ITPR3: variants seen among roughly 807,000 people sequenced by gnomAD.
ITPR3 encodes inositol 1,4,5-trisphosphate receptor type 3.
In ITPR3, 173 loss-of-function variants were observed where a neutral mutation model predicts 293.2. The ratio of observed to expected loss-of-function variants is 0.59; its 90% CI spans 0.52 to 0.67. ITPR3 has a LOEUF of 0.67. ITPR3 is among the 30% of genes least tolerant of loss of function. ITPR3 has a pLI of 0.00. For synonymous variants in ITPR3, 1,295 were observed against 1,444.4 expected, an observed-to-expected ratio of 0.90 and a Z score of 2.35; for missense variants, 2,796 against 3,592.1, an observed-to-expected ratio of 0.78 and a Z score of 5.66.
In ITPR3 at chr6:33,675,782, C is replaced by T. The variant is rs1764890354; in HGVS notation, c.3208C>T (p.Leu1070=). The T allele has an allele frequency of 6.2e-7, 1 of 1,611,036 alleles. No homozygotes were observed. Among genetic ancestry groups the T allele is most frequent in the East Asian group, 2.2e-5 (1 of 44,728 alleles). ...CCTCACCATGCACGACTATGCGCCG[C>T]TGGTCTCGGGTGCCCTGCAGCTGCT... ...IHLTMHDYAP[L]VSGALQLLFK... The change falls in exon 25 of 58, where the codon CTG becomes TTG. Residue 1070 remains leucine (L), a synonymous_variant. Transcript: ENST00000605930. The surrounding 1 kb of genome is among the most constrained non-coding windows in gnomAD (Gnocchi z 5.0).
chr6:33,627,525 C>G (rs2151276088), intron 1 of ITPR3, among the ~76,000 whole-genome samples: 1 of 152,360 alleles, frequency 6.6e-6, no homozygotes, highest in East Asian at 1.9e-4. Context: ...AACATTCAGG[C>G]TCTTTGTAAA....
rs754713002 is a variant in ITPR3 at position 33,667,159 on chromosome 6, G to A, written c.1582G>A (p.Glu528Lys). 1 of 1,614,152 alleles carries A rather than the reference G, an allele frequency of 6.2e-7. No homozygotes were observed. The highest frequency in any genetic ancestry group is 8.5e-7 in the Non-Finnish European group (1 of 1,179,996). The change falls in exon 15 of 58, where the codon GAG becomes AAG. Residue 528 changes from glutamate to lysine, a missense_variant. By Grantham distance (56) the Glu-to-Lys change is moderately conservative (BLOSUM62 1). Transcript: ENST00000605930. This position sits in a 1 kb window ranked among gnomAD's most constrained non-coding sequence, Gnocchi z 4.4. ...VFGILKAPFREKGGEGPLVRL... is the reference protein window; with the variant it reads ...VFGILKAPFRKKGGEGPLVRL... ...TGGCATTCTGAAGGCCCCGTTCCGT[G>A]AGAAGGGGGGTGAAGGTCCCCTGGT...
chr6:33,668,005 C>G (rs369937157), intron 16 of ITPR3, 41 bp downstream of exon 16: 1 of 1,605,982 alleles, frequency 6.2e-7, no homozygotes. Flanking sequence ...CTGCTCCTCC[C>G]TCCTCCCTTG....
At chr6:33,694,560 C>T (rs1038834170) in intron 56 of ITPR3, 8 of 264,612 alleles carry the variant, frequency 3.0e-5, no homozygotes, top group East Asian at 3.0e-4. Context: ...GGCAGGCGGG[C>T]GGGAGGAAGG....
intron 18 of ITPR3, among the ~76,000 whole-genome samples, chr6:33,669,923 G>A (rs1043456731): frequency 6.6e-6 from 1 of 152,080 alleles, no homozygotes; most frequent in Non-Finnish European, 1.5e-5. Context: ...AGCTTCCCAC[G>A]TTCCTCATTT....
intron 2 of ITPR3, among the ~76,000 whole-genome samples, chr6:33,642,064 G>A (rs919691744): frequency 8.5e-5 from 13 of 152,138 alleles, no homozygotes; most frequent in African/African-American, 2.7e-4. Context: ...TCTGCCACAC[G>A]GCAGATCCCC....
In ITPR3 at chr6:33,658,752, C is replaced by T; in HGVS notation, c.452C>T (p.Thr151Ile). 1 of 1,614,182 alleles carries T rather than the reference C, an allele frequency of 6.2e-7. No homozygotes were observed. Among genetic ancestry groups the T allele is most frequent in the East Asian group, 2.2e-5 (1 of 44,874 alleles). The change falls in exon 5 of 58, where the codon ACT becomes ATT. Residue 151 changes from threonine to isoleucine, a missense_variant. Around this residue, in one of 8 missense-constraint regions of ITPR3, gnomAD observed 144 missense variants for 230.8 expected, o/e 0.62. Transcript: ENST00000605930. The surrounding 1 kb of genome is among the most constrained non-coding windows in gnomAD (Gnocchi z 6.1). ...ALLEKNAMRV[T>I]LDATGNEGSW... is the part of the protein sequence containing the mutation. ...CTGGAGAAGAACGCCATGCGGGTGA[C>T]TCTGGATGCCACAGGCAACGAGGGT...
At chr6:33,631,989 T>A (rs1763694005) in intron 1 of ITPR3, among the ~76,000 whole-genome samples, 1 of 152,192 alleles carries the variant, frequency 6.6e-6, no homozygotes, top group African/African-American at 2.4e-5. Context: ...TTGTCCATGA[T>A]CATCTCTATA....
In ITPR3 at chr6:33,658,698, T is replaced by C. The variant is rs1375454217; in HGVS notation, c.398T>C (p.Leu133Pro). The C allele has an allele frequency of 1.2e-6, 2 of 1,614,164 alleles. No individual in the cohort carries two copies. The highest frequency in any genetic ancestry group is 1.7e-6 in the Non-Finnish European group (2 of 1,180,022). Residue 133 changes from leucine (L) to proline (P), a missense_variant, in exon 5 of 58, where the codon CTG (leucine) becomes CCG (proline). By Grantham distance (98) the Leu-to-Pro change is moderately conservative (BLOSUM62 -3). This residue lies in a region of ITPR3 where 144 missense variants were observed against 230.8 expected (regional missense o/e 0.62). Coordinates refer to ENST00000605930, the MANE Select transcript of ITPR3 (RefSeq NM_002224.4). This position sits in a 1 kb window ranked among gnomAD's most constrained non-coding sequence, Gnocchi z 6.1. The part of the protein sequence containing the change: ...QLLHMKSNKY[L>P]TVNKRLPALL... ...CTGCACATGAAGAGCAACAAGTACC[T>C]GACAGTGAACAAGCGGCTTCCGGCC...
intron 31 of ITPR3, 21 bp downstream of exon 31, chr6:33,680,154 C>A: frequency 6.2e-7 from 1 of 1,606,872 alleles, no homozygotes; most frequent in Admixed American, 1.7e-5. Flanking sequence ...GGAGACTGGG[C>A]AAGACGGCTG....
At chr6:33,636,354 G>T (rs1210903262) in intron 1 of ITPR3, among the ~76,000 whole-genome samples, 22 of 152,002 alleles carry the variant, frequency 1.4e-4, no homozygotes, top group Non-Finnish European at 3.2e-4. Flanking sequence ...GAAATAGGCT[G>T]AAGGGAGTGA....
chr6:33,671,626 T>G (rs1427814995), intron 21 of ITPR3, among the ~76,000 whole-genome samples: 1 of 152,078 alleles, frequency 6.6e-6, no homozygotes, highest in Admixed American at 6.5e-5. Context: ...TGTCTGAGGG[T>G]TGAGCGGCAG....
At position 33,633,395 on chromosome 6, in the gene ITPR3, C is replaced by A. The variant is rs9469533; in HGVS notation, c.90-7089C>A. On this transcript the variant is annotated intron_variant, in intron 1 of 57. Transcript: ENST00000605930. The surrounding 1 kb of genome is among the most constrained non-coding windows in gnomAD (Gnocchi z 5.2). ...AGAGCGCGGCTCTGGTTTCAGCGCC[C>A]GGTGCGCACTCAGCAGGGCACCTGT... Among the ~76,000 whole-genome samples, 4,448 of 152,252 alleles carry A rather than the reference C, an allele frequency of 0.029. 80 individuals are homozygous for A. Among genetic ancestry groups the A allele is most frequent in the African/African-American group, 0.033 (1,358 of 41,556 alleles).
In ITPR3 at chr6:33,659,090, G is replaced by A. The variant is rs752006438; in HGVS notation, c.598G>A (p.Glu200Lys). 8 of 1,614,044 alleles carry A rather than the reference G, an allele frequency of 5.0e-6. No homozygotes were observed. Among genetic ancestry groups the A allele is most frequent in the Non-Finnish European group, 1.7e-6 (2 of 1,179,992 alleles). Residue 200 changes from glutamate to lysine, a missense_variant, in exon 6 of 58, where the codon GAG becomes AAG. By Grantham distance (56) the Glu-to-Lys change is moderately conservative. This residue lies in a region of ITPR3 where 144 missense variants were observed against 230.8 expected (regional missense o/e 0.62). Coordinates refer to ENST00000605930, the MANE Select transcript of ITPR3 (RefSeq NM_002224.4). Reference sequence around the variant, plus strand: ...GCAGCCTCTGCATGCCAGCAATTACGAGCTCAGCGACAACGCCGGCTGCAA... The same window carrying A: ...GCAGCCTCTGCATGCCAGCAATTACAAGCTCAGCGACAACGCCGGCTGCAA... ...AGQPLHASNYELSDNAGCKEV... is the reference protein window; with the variant it reads ...AGQPLHASNYKLSDNAGCKEV...
Position 33,667,905 on chromosome 6 carries a change from C to T in ITPR3, c.1827C>T (p.His609=). The T allele has an allele frequency of 6.2e-7, 1 of 1,614,240 alleles. No individual in the cohort carries two copies. ...ACAACCGCAAGCTCCTGGAAAAGCA[C>T]ATCACCAAGACCGAGGTGGAGACCT... is the stretch of plus-strand genomic sequence containing the variant. ...LHNNRKLLEK[H]ITKTEVETFV... Residue 609 remains histidine (H), a synonymous_variant, in exon 16 of 58, where the codon CAC becomes CAT. Transcript: ENST00000605930. The surrounding 1 kb of genome is among the most constrained non-coding windows in gnomAD (Gnocchi z 4.4).
At chr6:33,678,149 A>G (rs1764959743) in intron 28 of ITPR3, among the ~76,000 whole-genome samples, 1 of 151,982 alleles carries the variant, frequency 6.6e-6, no homozygotes, top group Non-Finnish European at 1.5e-5. Flanking sequence ...GCCCCTTGCC[A>G]TGACTGATCT....
intron 7 of ITPR3, among the ~76,000 whole-genome samples, 196 bp from the exon 8 acceptor site, chr6:33,662,332 G>A (rs533568259): frequency 1.3e-5 from 2 of 152,180 alleles, no homozygotes; most frequent in East Asian, 3.9e-4. Flanking sequence ...TCTGGGATGC[G>A]GGCTGAGGGC....
intron 2 of ITPR3, among the ~76,000 whole-genome samples, chr6:33,649,138 C>T (rs949080356): frequency 5.3e-5 from 8 of 152,050 alleles, no homozygotes; most frequent in African/African-American, 9.7e-5. Flanking sequence ...CTCCTGACCC[C>T]GTGATCCACC....
chr6:33,694,845 C>T, intron 56 of ITPR3, 79 bp from the exon 57 acceptor site: 1 of 1,560,434 alleles, frequency 6.4e-7, no homozygotes, highest in East Asian at 2.2e-5. Flanking sequence ...AGAAGCCTCC[C>T]CCCACATTAC....
Sources: allele counts gnomAD v4.1 joint callset (sites outside exome capture counted in the v4.1 genomes callset), GRCh38; gene constraint gnomAD v4.1.1; regional missense constraint gnomAD v4.1.1; non-coding constraint Gnocchi (gnomAD v3.1); transcripts MANE v1.5; gene names NCBI Gene and HGNC (gene_info 2026-07-23, HGNC 2026-07-21).